Variants in RLIG1 observed in about 807,000 individuals in gnomAD.
The protein encoded by RLIG1 is RNA ligase 1.
At chr12:88,038,223 A>G in the RLIG1 span, among the ~76,000 whole-genome samples, 2 of 152,156 alleles carry the variant, frequency 1.3e-5, no homozygotes, top group Non-Finnish European at 2.9e-5. Flanking sequence ...TTGTGCTATC[A>G]GTGGGGCTGT....
the RLIG1 span, chr12:88,043,549 C>T: frequency 2.7e-5 from 33 of 1,240,860 alleles, no homozygotes; most frequent in Admixed American, 4.9e-5. Flanking sequence ...TAGTATTTTA[C>T]GTTTTTTAAG....
At chr12:88,035,558 C>G in the RLIG1 span, 1 of 1,341,596 alleles carries the variant, frequency 7.5e-7, no homozygotes, top group Middle Eastern at 1.8e-4. Flanking sequence ...TGGCCTGAGC[C>G]GTGCGGGTGA....
chr12:88,046,336 G>A, the RLIG1 span, among the ~76,000 whole-genome samples: 1 of 152,110 alleles, frequency 6.6e-6, no homozygotes, highest in African/African-American at 2.4e-5. Context: ...AAGCTAAGAT[G>A]GTAGTTAGAC....
chr12:88,039,591 G>A, the RLIG1 span, among the ~76,000 whole-genome samples: 1 of 151,938 alleles, frequency 6.6e-6, no homozygotes, highest in Non-Finnish European at 1.5e-5. Context: ...GTATTCCTTT[G>A]CTTCAAATTT....
chr12:88,035,559 G>C, the RLIG1 span: 4 of 1,350,872 alleles, frequency 3.0e-6, no homozygotes, highest in Non-Finnish European at 4.1e-6. Flanking sequence ...GGCCTGAGCC[G>C]TGCGGGTGAC....
chr12:88,045,387 GAATA>G, the RLIG1 span: 7 of 547,138 alleles, frequency 1.3e-5, no homozygotes, highest in East Asian at 2.2e-4. Context: ...TAATTCTACA[GAATA>G]AAAAATGAAC....
chr12:88,038,300 T>TA, the RLIG1 span, among the ~76,000 whole-genome samples: 1 of 152,146 alleles, frequency 6.6e-6, no homozygotes, highest in African/African-American at 2.4e-5. Flanking sequence ...CTCCTTTTTT[T>TA]ATATTCTGCC....
chr12:88,043,054 A>G, the RLIG1 span: 3 of 428,594 alleles, frequency 7.0e-6, no homozygotes, highest in South Asian at 1.4e-4. Context: ...ATACTTTTAT[A>G]TATAAAAGGA....
the RLIG1 span, chr12:88,046,894 A>C: frequency 6.2e-7 from 1 of 1,613,202 alleles, no homozygotes; most frequent in South Asian, 1.1e-5. Context: ...AAGCACAATG[A>C]TCTCGTGTCC....
chr12:88,043,946 A>G, the RLIG1 span: 1 of 511,334 alleles, frequency 2.0e-6, no homozygotes, highest in African/African-American at 2.0e-5. Context: ...ATTTTTTACT[A>G]GCTGTAGTCT....
chr12:88,049,455 A>T, the RLIG1 span: 1 of 1,027,474 alleles, frequency 9.7e-7, no homozygotes, highest in Non-Finnish European at 1.4e-6. Flanking sequence ...TATAGGAAAT[A>T]TACATATTTT....
the RLIG1 span, chr12:88,042,920 G>C: frequency 5.2e-6 from 8 of 1,541,848 alleles, no homozygotes; most frequent in Admixed American, 2.2e-5. Flanking sequence ...AAACCCAAAA[G>C]GTTAGTTTTT....
At chr12:88,042,942 C>T in the RLIG1 span, 6 of 1,442,622 alleles carry the variant, frequency 4.2e-6, no homozygotes, top group Admixed American at 9.1e-5. Context: ...TTTAACTTTT[C>T]ATGTTTAAAT....
chr12:88,040,384 A>C, the RLIG1 span: 1 of 550,178 alleles, frequency 1.8e-6, no homozygotes, highest in African/African-American at 2.0e-5. Flanking sequence ...GTATAGTAGC[A>C]AAACAAAAAG....
chr12:88,046,133 G>A, the RLIG1 span, among the ~76,000 whole-genome samples: 1 of 151,978 alleles, frequency 6.6e-6, no homozygotes, highest in Non-Finnish European at 1.5e-5. Context: ...AATAGCCAAC[G>A]GTATAAAGAA....
the RLIG1 span, chr12:88,043,041 T>C: frequency 2.2e-6 from 1 of 464,434 alleles, no homozygotes; most frequent in Non-Finnish European, 3.7e-6. Context: ...AAACTATAAT[T>C]GAATACTTTT....
At chr12:88,039,654 C>A in the RLIG1 span, among the ~76,000 whole-genome samples, 1 of 152,074 alleles carries the variant, frequency 6.6e-6, no homozygotes, top group African/African-American at 2.4e-5. Context: ...CAAAATAGCA[C>A]CTCATCCCTC....
the RLIG1 span, among the ~76,000 whole-genome samples, chr12:88,043,216 C>A: frequency 6.6e-6 from 1 of 151,878 alleles, no homozygotes; most frequent in African/African-American, 2.4e-5. Context: ...GTACAAATCT[C>A]AGGAAATTAA....
At chr12:88,038,415 C>G in the RLIG1 span, among the ~76,000 whole-genome samples, 1 of 152,140 alleles carries the variant, frequency 6.6e-6, no homozygotes, top group Non-Finnish European at 1.5e-5. Flanking sequence ...ATACAACTTT[C>G]AAAGTAAACA....
Sources: gnomAD v4.1 joint callset for allele counts (sites outside exome capture counted in the v4.1 genomes callset) on GRCh38, gnomAD v4.1.1 for gene constraint, MANE v1.5 for transcripts, NCBI Gene and HGNC (gene_info 2026-07-23, HGNC 2026-07-21) for gene names.